RABL3: variants seen among roughly 807,000 people sequenced by gnomAD.
RABL3 encodes rab-like protein 3.
Under a neutral mutation model 31.8 loss-of-function variants are expected in RABL3, and 31 were observed. The ratio of observed to expected loss-of-function variants is 0.97; its 90% CI spans 0.73 to 1.31. RABL3 has a LOEUF of 1.31. Ranked by LOEUF, RABL3 falls within the 40% of genes most tolerant of loss-of-function variation. The pLI, the probability that RABL3 is intolerant of heterozygous loss-of-function variation, is 0.00. For missense variants in RABL3, 263 were observed against 279.6 expected (o/e 0.94, Z 0.42); for synonymous variants, 97 against 99.9 (o/e 0.97, Z 0.18).
chr3:120,710,019 A>AC, intron 2 of RABL3, 110 bp from the exon 3 acceptor site: 1 of 717,506 alleles, frequency 1.4e-6, no homozygotes, highest in Non-Finnish European at 2.3e-6. Flanking sequence ...TCTGATCGCT[A>AC]CCTCTTATCT....
At position 120,699,480 on chromosome 3, in the gene RABL3, T is replaced by A. The variant is rs147873349; in HGVS notation, c.384-907A>T. 2.0e-4 allele frequency among the ~76,000 whole-genome samples: 30 copies of A among 152,328 alleles called. 1 individual carries two copies. Among genetic ancestry groups the A allele is most frequent in the Non-Finnish European group, 3.7e-4 (25 of 68,018 alleles). ...ATTAATTTAAATTCTACTCACATAT[T>A]AGAAATAAAACAGATTTGGATTTCT... On this transcript the variant is annotated intron_variant, in intron 4 of 7. Transcript: ENST00000273375.
intron 2 of RABL3, among the ~76,000 whole-genome samples, chr3:120,716,113 G>A (rs754747676): frequency 3.3e-5 from 5 of 152,156 alleles, no homozygotes; most frequent in Non-Finnish European, 7.4e-5. Flanking sequence ...AATATCAATT[G>A]TATGCAATGT....
upstream of RABL3, chr3:120,742,548 T>G (rs1307189124): frequency 3.1e-6 from 5 of 1,608,404 alleles, no homozygotes. Flanking sequence ...GTTCCTGGAT[T>G]GTAAGCCAAT....
At chr3:120,710,061 T>C (rs1174909504) in intron 2 of RABL3, 152 bp from the exon 3 acceptor site, 7 of 571,744 alleles carry the variant, frequency 1.2e-5, no homozygotes, top group African/African-American at 3.8e-5. Context: ...ACTTTAATAA[T>C]TTTTACTCCA....
At chr3:120,697,552 A>G (rs920582165) in intron 5 of RABL3, among the ~76,000 whole-genome samples, 18 of 152,248 alleles carry the variant, frequency 1.2e-4, no homozygotes, top group Admixed American at 9.8e-4. Flanking sequence ...ATTGCTGGCC[A>G]GGATCTTTTT....
At chr3:120,727,265 T>C (rs1708833067) in intron 2 of RABL3, among the ~76,000 whole-genome samples, 1 of 152,046 alleles carries the variant, frequency 6.6e-6, no homozygotes, top group South Asian at 2.1e-4. Context: ...ATCAAGAAAG[T>C]AAGAGAAAAG....
intron 4 of RABL3, among the ~76,000 whole-genome samples, chr3:120,705,021 T>A (rs1234797039): frequency 6.6e-6 from 1 of 151,986 alleles, no homozygotes; most frequent in Non-Finnish European, 1.5e-5. Flanking sequence ...CAAGGCTCAG[T>A]CTCAAAACAA....
At chr3:120,708,773 T>C (rs1266200135) in intron 3 of RABL3, among the ~76,000 whole-genome samples, 1 of 139,174 alleles carries the variant, frequency 7.2e-6, no homozygotes, top group East Asian at 1.9e-4. Flanking sequence ...GAATGCTTTG[T>C]TTCTTTATTA....
Position 120,730,726 on chromosome 3 carries a change from T to C in RABL3, c.108A>G (p.Ser36=), listed in dbSNP as rs749867326. 8 of 1,613,848 alleles carry C rather than the reference T, an allele frequency of 5.0e-6. No homozygotes were observed. Among genetic ancestry groups the C allele is most frequent in the South Asian group, 1.1e-5 (1 of 91,080 alleles). Residue 36 remains serine (S), a synonymous_variant, in exon 2 of 8, where the codon TCA becomes TCG. Coordinates refer to ENST00000273375, the MANE Select transcript of RABL3 (RefSeq NM_173825.5). ...CATCCACTGAGCAGCCCACAGTCCA[T>C]GATGGATTTCCCAGCACTTGATTTT... is the stretch of plus-strand genomic sequence containing the variant. The part of the protein sequence containing the change: ...LCQNQVLGNP[S]WTVGCSVDVR...
chr3:120,708,467 CCT>C (rs967732069), intron 3 of RABL3, among the ~76,000 whole-genome samples: 6 of 151,744 alleles, frequency 4.0e-5, no homozygotes, highest in African/African-American at 1.2e-4. Context: ...TTTTATTGTA[CCT>C]CTGTCTCAAA....
chr3:120,735,299 C>A (rs1576348949), intron 1 of RABL3, among the ~76,000 whole-genome samples: 2 of 152,152 alleles, frequency 1.3e-5, no homozygotes, highest in Admixed American at 1.3e-4. Context: ...AGGAATTTAT[C>A]CATTTCTTCT....
chr3:120,731,441 T>A (rs1708881207), intron 1 of RABL3, among the ~76,000 whole-genome samples: 1 of 152,216 alleles, frequency 6.6e-6, no homozygotes, highest in South Asian at 2.1e-4. Flanking sequence ...CTACCTCTTC[T>A]ACATCATGGC....
At chr3:120,719,811 C>T (rs1425657168) in intron 2 of RABL3, among the ~76,000 whole-genome samples, 3 of 152,208 alleles carry the variant, frequency 2.0e-5, no homozygotes, top group Non-Finnish European at 4.4e-5. Flanking sequence ...CTTAAATGTC[C>T]CTGTCTGACA....
intron 1 of RABL3, among the ~76,000 whole-genome samples, chr3:120,740,979 G>A (rs539825416): frequency 1.8e-4 from 28 of 152,244 alleles, no homozygotes; most frequent in Non-Finnish European, 2.9e-4. Flanking sequence ...TATAACCCCA[G>A]AACCTAATAC....
Position 120,689,772 on chromosome 3 carries a change from G to A in RABL3, c.*51C>T, listed in dbSNP as rs369781179. On this transcript the variant is annotated 3_prime_UTR_variant, in exon 8 of 8. Coordinates refer to ENST00000273375, the MANE Select transcript of RABL3 (RefSeq NM_173825.5). ...GTAATAATTGAACACAGCAAGATGA[G>A]CTGTGAAAAACTGCCACTGCTTGCT... 3 of 1,203,598 alleles carry A rather than the reference G, an allele frequency of 2.5e-6. No homozygotes were observed. The highest frequency in any genetic ancestry group is 3.7e-6 in the Non-Finnish European group (3 of 808,598). The allele number at this position is 1,203,598 out of a possible 1,614,324, so 74.6% of individuals were successfully genotyped here. A position where few individuals can be genotyped will look rare whatever the true frequency, so the allele number is the denominator to read the frequency against.
intron 2 of RABL3, among the ~76,000 whole-genome samples, chr3:120,719,411 C>T (rs1450735594): frequency 6.6e-6 from 1 of 152,224 alleles, no homozygotes; most frequent in Non-Finnish European, 1.5e-5. Context: ...CATCGCCTCA[C>T]CTGGGAAGCG....
intron 1 of RABL3, among the ~76,000 whole-genome samples, chr3:120,737,373 AC>A (rs1218275535): frequency 6.6e-6 from 1 of 152,218 alleles, no homozygotes; most frequent in African/African-American, 2.4e-5. Context: ...TTCAGCTCCA[AC>A]AGGTCATTTA....
intron 4 of RABL3, among the ~76,000 whole-genome samples, chr3:120,704,100 G>A (rs971292344): frequency 6.6e-6 from 1 of 152,164 alleles, no homozygotes; most frequent in South Asian, 2.1e-4. Flanking sequence ...AAGACATTAT[G>A]AGAACAGAAA....
intron 1 of RABL3, among the ~76,000 whole-genome samples, chr3:120,736,595 T>C (rs1419745954): frequency 6.6e-6 from 1 of 152,220 alleles, no homozygotes; most frequent in Non-Finnish European, 1.5e-5. Flanking sequence ...CTGGTTATTT[T>C]GCTCATTAGT....
Sources: allele counts gnomAD v4.1 joint callset (sites outside exome capture counted in the v4.1 genomes callset), GRCh38; gene constraint gnomAD v4.1.1; transcripts MANE v1.5; gene names NCBI Gene and HGNC (gene_info 2026-07-23, HGNC 2026-07-21).